SMPD4: variants seen among roughly 807,000 people sequenced by gnomAD.
The protein encoded by SMPD4 is neutral sphingomyelinase 3.
Under a neutral mutation model 97.8 loss-of-function variants are expected in SMPD4, and 58 were observed. The observed-to-expected ratio is 0.59, with a 90% CI of 0.48 to 0.74. SMPD4 has a LOEUF of 0.74. SMPD4 is among the 30% of genes least tolerant of loss of function. The pLI, the probability that SMPD4 is intolerant of heterozygous loss-of-function variation, is 0.00. For missense variants in SMPD4, 853 were observed against 1,080.5 expected, an observed-to-expected ratio of 0.79 and a Z score of 2.95; for synonymous variants, 388 against 450.0, an observed-to-expected ratio of 0.86 and a Z score of 1.74.
chr2:130,155,914 A>C, intron 14 of SMPD4, 121 bp downstream of exon 14: 2 of 929,244 alleles, frequency 2.2e-6, no homozygotes, highest in East Asian at 2.5e-5. Context: ...GGACTTCAGG[A>C]GGCCACGGGG....
chr2:130,154,476 T>C lies in SMPD4; in HGVS notation c.1460A>G (p.Gln487Arg). The change falls in exon 16 of 20, where the codon CAG becomes CGG. Residue 487 changes from glutamine (Q) to arginine (R), a missense_variant. Gln to Arg is a conservative substitution (Grantham distance 43). Transcript: ENST00000680298. ...NLAEMIQKGEQLFLEPELVIP... is the reference protein window; with the variant it reads ...NLAEMIQKGERLFLEPELVIP... Reference sequence around the variant, plus strand: ...GACCAGCTCTGGCTCCAGGAATAGCTGCTCACCTAGAAGGCAGGAGACGAA... The same window carrying C: ...GACCAGCTCTGGCTCCAGGAATAGCCGCTCACCTAGAAGGCAGGAGACGAA... The C allele has an allele frequency of 6.4e-7, 1 of 1,553,542 alleles. No individual in the cohort carries two copies. Among genetic ancestry groups the C allele is most frequent in the South Asian group, 1.2e-5 (1 of 84,436 alleles).
chr2:130,179,830 T>C (rs1477014098), intron 1 of SMPD4, among the ~76,000 whole-genome samples: 1 of 151,624 alleles, frequency 6.6e-6, no homozygotes, highest in Non-Finnish European at 1.5e-5. Context: ...AATTTTTGTA[T>C]TTTTAGTAGA....
intron 3 of SMPD4, 66 bp downstream of exon 3, chr2:130,174,848 T>G: frequency 8.1e-7 from 1 of 1,240,924 alleles, no homozygotes; most frequent in Non-Finnish European, 1.2e-6. Flanking sequence ...AAATTAGGAA[T>G]TATAATAAAG....
intron 1 of SMPD4, chr2:130,181,180 G>A (rs1472335231): frequency 2.2e-6 from 2 of 929,716 alleles, no homozygotes; most frequent in Non-Finnish European, 2.7e-6. Context: ...GTCGAGCTGG[G>A]ACCCACACCC....
At chr2:130,181,205 C>A in intron 1 of SMPD4, 1 of 1,148,472 alleles carries the variant, frequency 8.7e-7, no homozygotes, top group African/African-American at 1.6e-5. Context: ...CTTACACCCA[C>A]ACCGCCTGTT....
At chr2:130,176,514 T>C (rs1432192477) in intron 2 of SMPD4, 40 bp downstream of exon 2, 1 of 1,534,114 alleles carries the variant, frequency 6.5e-7, no homozygotes, top group East Asian at 2.3e-5. Context: ...TCTACAGAAC[T>C]ATGGCCACAC....
intron 17 of SMPD4, 62 bp from the exon 18 acceptor site, chr2:130,153,512 C>G: frequency 1.9e-6 from 3 of 1,602,102 alleles, no homozygotes; most frequent in Non-Finnish European, 2.6e-6. Context: ...CAGTCTTCAC[C>G]CCACCAGCCT....
At chr2:130,158,318 A>AC (rs1228894937) in intron 11 of SMPD4, 1 of 1,143,286 alleles carries the variant, frequency 8.7e-7, no homozygotes, top group Middle Eastern at 2.4e-4. Flanking sequence ...ATTAGGCCAA[A>AC]CTTTTTTTTT....
intron 4 of SMPD4, 56 bp from the exon 5 acceptor site, chr2:130,173,410 C>G: frequency 6.2e-7 from 1 of 1,603,704 alleles, no homozygotes; most frequent in Non-Finnish European, 8.5e-7. Context: ...TGCGAATTAT[C>G]TTGCTTTGAT....
chr2:130,168,386 T>C (rs1688124838), intron 8 of SMPD4, among the ~76,000 whole-genome samples: 1 of 151,320 alleles, frequency 6.6e-6, no homozygotes, highest in Non-Finnish European at 1.5e-5. Context: ...ATCGTACCAC[T>C]GCACTCCAGC....
In SMPD4 at chr2:130,169,375, T is replaced by C. The variant is rs527494213; in HGVS notation, c.660-1785A>G. Among the ~76,000 whole-genome samples, 172 of 152,248 alleles carry C rather than the reference T, an allele frequency of 1.1e-3. 1 individual carries two copies. Among genetic ancestry groups the C allele is most frequent in the African/African-American group, 4.1e-3 (172 of 41,524 alleles). ...CTTCCTGGTGTGGTTACAGGCACTG[T>C]GACTATATAGGATAATGCATTCGCT... is the stretch of plus-strand genomic sequence containing the variant. On this transcript the variant is annotated intron_variant, in intron 8 of 19. Coordinates refer to ENST00000680298, the MANE Select transcript of SMPD4 (RefSeq NM_017951.5).
At chr2:130,161,331 G>A (rs886761545) in intron 10 of SMPD4, 59 bp from the exon 11 acceptor site, 1 of 1,454,500 alleles carries the variant, frequency 6.9e-7, no homozygotes, top group Non-Finnish European at 9.7e-7. Context: ...CAAGAGAATG[G>A]GGTGGGGAAG....
rs780395506 is a variant in SMPD4, at chr2:130,152,772, C to T, written c.2267G>A (p.Gly756Glu). ...LASRHLLSPV[G>E]RRQVAGHTRG... is the part of the protein sequence containing the mutation. Reference sequence around the variant, plus strand: ...GGTGTGGCCGGCCACCTGCCTCCGCCCCACAGGGCTCAGCAGGTGCCTGCT... The same window carrying T: ...GGTGTGGCCGGCCACCTGCCTCCGCTCCACAGGGCTCAGCAGGTGCCTGCT... The change falls in exon 20 of 20, where the codon GGG (glycine) becomes GAG (glutamate). Residue 756 changes from glycine (G) to glutamate (E), a missense_variant. By Grantham distance (98) the Gly-to-Glu change is moderately conservative. Transcript: ENST00000680298. 1.2e-6 allele frequency: 2 copies of T among 1,607,884 alleles called. No individual in the cohort carries two copies. The highest frequency in any genetic ancestry group is 1.7e-6 in the Non-Finnish European group (2 of 1,178,102).
At chr2:130,176,387 T>A (rs1459711043) in intron 2 of SMPD4, among the ~76,000 whole-genome samples, 167 bp downstream of exon 2, 1 of 152,182 alleles carries the variant, frequency 6.6e-6, no homozygotes, top group Admixed American at 6.5e-5. Flanking sequence ...CAAGGTCCTG[T>A]AGTAATAAGG....
At chr2:130,156,184 T>C in intron 13 of SMPD4, 49 bp from the exon 14 acceptor site, 1 of 1,539,600 alleles carries the variant, frequency 6.5e-7, no homozygotes, top group Non-Finnish European at 8.9e-7. Context: ...GGCCAAATAC[T>C]CGGTGGCCTG....
chr2:130,172,720 AC>A, intron 6 of SMPD4, 43 bp from the exon 7 acceptor site: 1 of 1,613,800 alleles, frequency 6.2e-7, no homozygotes, highest in South Asian at 1.1e-5. Flanking sequence ...TTGATGAGCC[AC>A]CCCCCGCTCA....
rs769406583 is a variant in SMPD4, at chr2:130,161,237, G to A, written c.900C>T (p.Ser300=). The A allele has an allele frequency of 6.8e-6, 11 of 1,613,878 alleles. No homozygotes were observed. Among genetic ancestry groups the A allele is most frequent in the African/African-American group, 1.3e-5 (1 of 74,928 alleles). The change falls in exon 11 of 20, where the codon AGC becomes AGT. Residue 300 remains serine (S), a synonymous_variant. Coordinates refer to ENST00000680298, the MANE Select transcript of SMPD4 (RefSeq NM_017951.5). The part of the protein sequence containing the change: ...EVLHYRLSVS[S]ALYSPAQPSL... ...TGGGTTGGGCGGGGCTGTAGAGGGCGCTGGAGACACTGAGTCGGTAGTGCA... is the reference window on the plus strand; with the variant it reads ...TGGGTTGGGCGGGGCTGTAGAGGGCACTGGAGACACTGAGTCGGTAGTGCA...
rs553165123 is a variant in SMPD4, at chr2:130,152,973, G to T, written c.2154+70C>A. The T allele has an allele frequency of 1.9e-6, 3 of 1,566,720 alleles. No individual in the cohort carries two copies. The South Asian group carries it at 3.6e-5, about 19-fold the overall frequency. ...ACCCCACCCTCACAGGCCACCCCAG[G>T]ACTGCACCCCAGGCAGGAGCATCTA... On this transcript the variant is annotated intron_variant, in intron 19 of 19. Coordinates refer to ENST00000680298, the MANE Select transcript of SMPD4 (RefSeq NM_017951.5).
intron 12 of SMPD4, chr2:130,156,929 A>G (rs374514722): frequency 1.9e-6 from 2 of 1,035,596 alleles, no homozygotes; most frequent in African/African-American, 1.6e-5. Context: ...GTCCCATACA[A>G]ACAGCCCACT....
Sources: gnomAD v4.1 joint callset for allele counts (sites outside exome capture counted in the v4.1 genomes callset) on GRCh38, gnomAD v4.1.1 for gene constraint, MANE v1.5 for transcripts, NCBI Gene and HGNC (gene_info 2026-07-23, HGNC 2026-07-21) for gene names.